The following MTUS2 variants were observed in gnomAD, a reference collection of about 807,000 sequenced individuals.
MTUS2 encodes the protein microtubule-associated tumor suppressor candidate 2.
Under a neutral mutation model 114.1 loss-of-function variants are expected in MTUS2, and 40 were observed. That is an observed-to-expected ratio of 0.35 (90% CI 0.27 to 0.46). MTUS2 has a LOEUF of 0.46. Among genes scored for constraint, MTUS2 ranks in the 20% least tolerant of loss-of-function variants. The probability of loss-of-function intolerance (pLI) is 1.00; values close to 1 mark genes in which losing one functional copy is unlikely to be tolerated. For synonymous variants in MTUS2, 688 were observed against 672.0 expected, an observed-to-expected ratio of 1.02 and a Z score of -0.37; for missense variants, 1,679 against 1,705.4, an observed-to-expected ratio of 0.98 and a Z score of 0.27.
At position 29,459,025 on chromosome 13, in the gene MTUS2, GAGAA is replaced by G. The variant is rs544507000; in HGVS notation, c.3184+18980_3184+18983del. 8.6e-4 allele frequency among the ~76,000 whole-genome samples: 131 copies of G among 152,358 alleles called. 6 individuals are homozygous for G. In the South Asian group the frequency reaches 0.025, roughly 29 times the overall value. On this transcript the variant is annotated intron_variant, in intron 9 of 15. Transcript: ENST00000612955. Reference sequence around the variant, plus strand: ...AGGGCATATTTCAGCCTAAGGGAAAGAGAAAGAGAAAGCAAAGGGCCAGAAGTTT... The same window carrying G: ...AGGGCATATTTCAGCCTAAGGGAAAGAGAGAAAGCAAAGGGCCAGAAGTTT...
chr13:29,369,790 A>G (rs894674852), intron 8 of MTUS2, among the ~76,000 whole-genome samples: 1 of 152,244 alleles, frequency 6.6e-6, no homozygotes, highest in African/African-American at 2.4e-5. Flanking sequence ...AAGATTTATC[A>G]TAAGTATTAT....
intron 1 of MTUS2, among the ~76,000 whole-genome samples, chr13:28,830,868 A>G (rs1593229154): frequency 6.6e-6 from 1 of 152,212 alleles, no homozygotes; most frequent in Non-Finnish European, 1.5e-5. Context: ...GGAATGATGT[A>G]TTGAAAATGC....
intron 8 of MTUS2, among the ~76,000 whole-genome samples, chr13:29,365,510 TTGTGTGTGTGTGTGTGTGTAATTAAATG>T (rs1870637141): frequency 6.8e-6 from 1 of 146,822 alleles, no homozygotes; most frequent in Non-Finnish European, 1.5e-5. Flanking sequence ...TTGTTTGGGT[TTGTGTGTGTGTGTGTGTGTAATTAAATG>T]TCACTTTTTT....
intron 2 of MTUS2, among the ~76,000 whole-genome samples, chr13:29,005,649 A>T (rs968661820): frequency 6.6e-6 from 1 of 152,202 alleles, no homozygotes; most frequent in Non-Finnish European, 1.5e-5. Flanking sequence ...GGACACAAGG[A>T]AGCAGGGAAC....
chr13:29,481,787 C>CT (rs1566227996), intron 10 of MTUS2, among the ~76,000 whole-genome samples: 1 of 152,150 alleles, frequency 6.6e-6, no homozygotes, highest in African/African-American at 2.4e-5. Flanking sequence ...AGTCATTCTT[C>CT]TTTCCTAGAG....
intron 6 of MTUS2, among the ~76,000 whole-genome samples, chr13:29,318,052 G>C (rs181897600): frequency 3.6e-4 from 55 of 152,278 alleles, no homozygotes; most frequent in African/African-American, 1.3e-3. Context: ...GCTGATCTGT[G>C]GGGCCAGGGC....
At chr13:29,030,906 G>GC (rs1886785230) in intron 3 of MTUS2, among the ~76,000 whole-genome samples, 1 of 152,090 alleles carries the variant, frequency 6.6e-6, no homozygotes, top group Non-Finnish European at 1.5e-5. Context: ...AACAGCACAG[G>GC]CATTTAAAAC....
At chr13:29,343,641 A>G (rs977670350) in intron 7 of MTUS2, among the ~76,000 whole-genome samples, 7 of 151,414 alleles carry the variant, frequency 4.6e-5, no homozygotes, top group African/African-American at 7.3e-5. Flanking sequence ...TTTGTCTTTC[A>G]ATTTTATTTA....
Position 29,153,656 on chromosome 13 carries a change from C to T in MTUS2, c.2644+52686C>T, listed in dbSNP as rs149365386. 5.9e-5 allele frequency among the ~76,000 whole-genome samples: 9 copies of T among 152,300 alleles called. No individual in the cohort carries two copies. The East Asian group carries it at 1.7e-3, about 29-fold the overall frequency. On this transcript the variant is annotated intron_variant, in intron 5 of 15. Transcript: ENST00000612955. ...GGCTCAATTACACACTGCCCATCTC[C>T]AGTTCTCCCCTTGGCTCTTGCTAAG...
At chr13:28,910,063 G>A (rs2138005404) in intron 2 of MTUS2, among the ~76,000 whole-genome samples, 1 of 152,172 alleles carries the variant, frequency 6.6e-6, no homozygotes, top group Admixed American at 6.6e-5. Context: ...ATTTTTAAAT[G>A]TGCAATTAAA....
intron 5 of MTUS2, among the ~76,000 whole-genome samples, chr13:29,199,514 C>G (rs550698121): frequency 6.6e-6 from 1 of 152,274 alleles, no homozygotes; most frequent in African/African-American, 2.4e-5. Context: ...ATATGTTGAA[C>G]CAGCCTTGCA....
intron 7 of MTUS2, among the ~76,000 whole-genome samples, chr13:29,335,166 C>T (rs531193769): frequency 6.6e-6 from 1 of 152,236 alleles, no homozygotes; most frequent in South Asian, 2.1e-4. Context: ...AAGGAACATC[C>T]CTGAGAAAGA....
chr13:29,421,829 C>G (rs1011223514), intron 8 of MTUS2, among the ~76,000 whole-genome samples: 5 of 152,106 alleles, frequency 3.3e-5, no homozygotes, highest in Non-Finnish European at 2.9e-5. Context: ...TACTGGGGAG[C>G]AGAGTTTAAG....
At chr13:28,826,835 CACTT>C (rs1874302318) in intron 1 of MTUS2, among the ~76,000 whole-genome samples, 1 of 152,196 alleles carries the variant, frequency 6.6e-6, no homozygotes, top group Non-Finnish European at 1.5e-5. Flanking sequence ...AAGCAAATAA[CACTT>C]AATAGGGAAG....
intron 10 of MTUS2, among the ~76,000 whole-genome samples, chr13:29,486,313 T>C (rs566207760): frequency 1.3e-5 from 2 of 152,352 alleles, no homozygotes; most frequent in Non-Finnish European, 2.9e-5. Context: ...GAAGTTCTCA[T>C]TTACCATAAG....
chr13:29,109,125 C>T (rs1190197068), intron 5 of MTUS2, among the ~76,000 whole-genome samples: 1 of 151,806 alleles, frequency 6.6e-6, no homozygotes, highest in African/African-American at 2.4e-5. Context: ...TTTAGTGGTC[C>T]CTAGAAAGCT....
intron 5 of MTUS2, among the ~76,000 whole-genome samples, chr13:29,204,764 G>T (rs1348821089): frequency 6.6e-6 from 1 of 152,164 alleles, no homozygotes; most frequent in African/African-American, 2.4e-5. Context: ...AGTTTCCGAA[G>T]TCTGCAGCCG....
At chr13:29,195,246 T>TAA (rs1555249947) in intron 5 of MTUS2, among the ~76,000 whole-genome samples, 1 of 56,076 alleles carries the variant, frequency 1.8e-5, no homozygotes. Flanking sequence ...AGTATAATAA[T>TAA]AATAAAATAA....
chr13:29,237,723 A>C (rs1896585676), intron 5 of MTUS2, among the ~76,000 whole-genome samples: 1 of 152,218 alleles, frequency 6.6e-6, no homozygotes, highest in Admixed American at 6.5e-5. Flanking sequence ...TTATAATTGA[A>C]AGTTATTTTG....
Sources: gnomAD v4.1 joint callset for allele counts (sites outside exome capture counted in the v4.1 genomes callset) on GRCh38, gnomAD v4.1.1 for gene constraint, MANE v1.5 for transcripts, NCBI Gene and HGNC (gene_info 2026-07-23, HGNC 2026-07-21) for gene names.